Variants in KHDRBS2 observed in about 807,000 individuals in gnomAD.
KHDRBS2 encodes the protein KH domain-containing, RNA-binding, signal transduction-associated protein 2.
Under a neutral mutation model 44.3 loss-of-function variants are expected in KHDRBS2, and 26 were observed. That is an observed-to-expected ratio of 0.59 (90% CI 0.43 to 0.81). KHDRBS2 has a LOEUF of 0.81. KHDRBS2 is among the 40% of genes least tolerant of loss of function. KHDRBS2 has a pLI of 0.00. For missense variants in KHDRBS2, 476 were observed against 433.1 expected, an observed-to-expected ratio of 1.10 and a Z score of -0.88; for synonymous variants, 194 against 151.1, an observed-to-expected ratio of 1.28 and a Z score of -2.08.
chr6:61,935,172 A>C (rs1016936260), intron 4 of KHDRBS2, among the ~76,000 whole-genome samples: 1 of 152,188 alleles, frequency 6.6e-6, no homozygotes, highest in African/African-American at 2.4e-5. Flanking sequence ...TTCTATACCG[A>C]CATTTAAAAG....
rs1766210934 is a variant in KHDRBS2, at chr6:61,680,776, T to C, written c.*187A>G. The C allele has an allele frequency of 4.3e-6, 2 of 459,902 alleles. No homozygotes were observed. Among genetic ancestry groups the C allele is most frequent in the African/African-American group, 4.0e-5 (2 of 50,602 alleles). 28.5% of individuals were successfully genotyped at this position (459,902 alleles called of 1,614,324 possible). A position where few individuals can be genotyped will look rare whatever the true frequency, so the allele number is the denominator to read the frequency against. On this transcript the variant is annotated 3_prime_UTR_variant, in exon 9 of 9. Transcript: ENST00000281156. ...TTCAGTCTGTTTTGTAAAATAATACTAGTGTCAATGTCACGCCAACAGTAC... is the reference window on the plus strand; with the variant it reads ...TTCAGTCTGTTTTGTAAAATAATACCAGTGTCAATGTCACGCCAACAGTAC...
intron 6 of KHDRBS2, among the ~76,000 whole-genome samples, chr6:61,812,733 C>T (rs1466031126): frequency 1.3e-5 from 2 of 151,890 alleles, no homozygotes; most frequent in Non-Finnish European, 2.9e-5. Flanking sequence ...AGAATAAATA[C>T]ATATTTAATG....
At chr6:61,970,451 C>T (rs1029988729) in intron 4 of KHDRBS2, among the ~76,000 whole-genome samples, 2 of 151,988 alleles carry the variant, frequency 1.3e-5, no homozygotes, top group African/African-American at 4.8e-5. Context: ...ATAAGGTGAA[C>T]TACAGCTCTC....
chr6:62,061,255 T>A (rs1420346891), intron 2 of KHDRBS2, among the ~76,000 whole-genome samples: 1 of 151,834 alleles, frequency 6.6e-6, no homozygotes, highest in African/African-American at 2.4e-5. Flanking sequence ...GTTGATGCAG[T>A]TTCTTCCTAG....
At chr6:61,898,787 A>G (rs1396302206) in intron 5 of KHDRBS2, among the ~76,000 whole-genome samples, 3 of 151,984 alleles carry the variant, frequency 2.0e-5, no homozygotes, top group African/African-American at 7.2e-5. Context: ...CACAAGGTCA[A>G]CACATATACC....
rs1562513343 is a variant in KHDRBS2, at chr6:61,954,813, C to CATGTGTATATACACATACAT, written c.483+23252_483+23253insATGTATGTGTATATACACAT. Among the ~76,000 whole-genome samples the CATGTGTATATACACATACAT allele has an allele frequency of 2.0e-3, 93 of 46,786 alleles. 22 individuals are homozygous for CATGTGTATATACACATACAT. The highest frequency in any genetic ancestry group is 8.6e-3 in the African/African-American group (78 of 9,112). The allele number at this position is 46,786 out of a possible 152,430, so 30.7% of individuals were successfully genotyped here. A position where few individuals can be genotyped will look rare whatever the true frequency, so the allele number is the denominator to read the frequency against. On this transcript the variant is annotated intron_variant, in intron 4 of 8. Transcript: ENST00000281156. ...ACATGCATATGTATGTATACATACGCATGTGTATATACACATGCATATGTA... is the reference window on the plus strand; with the variant it reads ...ACATGCATATGTATGTATACATACGCATGTGTATATACACATACATATGTGTATATACACATGCATATGTA...
chr6:61,970,561 A>G (rs1771158688), intron 4 of KHDRBS2, among the ~76,000 whole-genome samples: 1 of 152,124 alleles, frequency 6.6e-6, no homozygotes, highest in African/African-American at 2.4e-5. Flanking sequence ...GAGAGAGAAC[A>G]CTTCACTGTG....
the KHDRBS2 span, among the ~76,000 whole-genome samples, chr6:61,637,223 T>C: frequency 2.1e-3 from 310 of 146,964 alleles, no homozygotes; most frequent in Middle Eastern, 0.014. Context: ...GTGATGTTCC[T>C]CTTCCTGTGG....
At chr6:62,120,583 G>C (rs1755932080) in intron 2 of KHDRBS2, among the ~76,000 whole-genome samples, 1 of 152,212 alleles carries the variant, frequency 6.6e-6, no homozygotes, top group Non-Finnish European at 1.5e-5. Flanking sequence ...GCAGCAATCA[G>C]AATAGTCTGA....
At chr6:62,112,453 C>A (rs560565095) in intron 2 of KHDRBS2, among the ~76,000 whole-genome samples, 2 of 151,946 alleles carry the variant, frequency 1.3e-5, no homozygotes, top group African/African-American at 2.4e-5. Flanking sequence ...CTAGATGAAA[C>A]CCTTTTGGCA....
At chr6:61,983,883 A>G (rs1287842803) in intron 3 of KHDRBS2, among the ~76,000 whole-genome samples, 1 of 152,138 alleles carries the variant, frequency 6.6e-6, no homozygotes, top group Non-Finnish European at 1.5e-5. Flanking sequence ...TCTAATCTTT[A>G]TTGTTTTTTA....
At chr6:62,212,980 A>C (rs1229176778) in intron 1 of KHDRBS2, among the ~76,000 whole-genome samples, 1 of 152,186 alleles carries the variant, frequency 6.6e-6, no homozygotes, top group Non-Finnish European at 1.5e-5. Flanking sequence ...AAGTGATTAA[A>C]TATTTCAGTA....
In KHDRBS2 at chr6:61,978,087, C is replaced by G; in HGVS notation, c.462G>C (p.Glu154Asp). 1.3e-6 allele frequency: 2 copies of G among 1,590,326 alleles called. No individual in the cohort carries two copies. Among genetic ancestry groups the G allele is most frequent in the East Asian group, 2.3e-5 (1 of 44,116 alleles). The change falls in exon 4 of 9, where the codon GAG (glutamate) becomes GAC (aspartate). Residue 154 changes from glutamate (E) to aspartate (D), a missense_variant. Transcript: ENST00000281156. ...AYSRMSHALE[E>D]IKKFLVPDYN... ...TTACAGGAACCAGGAATTTTTTAAT[C>G]TCTTCCAATGCATGACTCATACGTG...
intron 8 of KHDRBS2, among the ~76,000 whole-genome samples, chr6:61,696,842 A>G (rs1268704394): frequency 1.3e-5 from 2 of 152,170 alleles, no homozygotes; most frequent in African/African-American, 4.8e-5. Context: ...AATATTTTAA[A>G]TGTATGTTAC....
intron 4 of KHDRBS2, among the ~76,000 whole-genome samples, chr6:61,922,918 G>C (rs536473315): frequency 1.3e-5 from 2 of 152,070 alleles, no homozygotes; most frequent in Admixed American, 6.6e-5. Context: ...CCAGGCATGC[G>C]AAGAAGCAGT....
chr6:61,981,228 A>C (rs1281595724), intron 3 of KHDRBS2, among the ~76,000 whole-genome samples: 1 of 152,188 alleles, frequency 6.6e-6, no homozygotes, highest in Non-Finnish European at 1.5e-5. Context: ...ATGTATATCA[A>C]AAGATTACTG....
downstream of KHDRBS2, among the ~76,000 whole-genome samples, chr6:61,676,818 T>C (rs1015409581): frequency 1.8e-4 from 27 of 151,782 alleles, no homozygotes; most frequent in African/African-American, 6.0e-4. Context: ...ATAGAACCCA[T>C]ATTAAAGGCC....
At chr6:62,066,553 G>C (rs1212154420) in intron 2 of KHDRBS2, among the ~76,000 whole-genome samples, 4 of 151,726 alleles carry the variant, frequency 2.6e-5, no homozygotes, top group Admixed American at 2.0e-4. Flanking sequence ...TGTCACATAA[G>C]TCTCTTGTAT....
intron 3 of KHDRBS2, among the ~76,000 whole-genome samples, chr6:62,023,543 T>C (rs1052544547): frequency 6.6e-5 from 10 of 151,652 alleles, no homozygotes; most frequent in African/African-American, 2.4e-4. Context: ...GAAATATTTT[T>C]ATTAAAAATA....
Sources: gnomAD v4.1 joint callset for allele counts (sites outside exome capture counted in the v4.1 genomes callset) on GRCh38, gnomAD v4.1.1 for gene constraint, MANE v1.5 for transcripts, NCBI Gene and HGNC (gene_info 2026-07-23, HGNC 2026-07-21) for gene names.